CRB1: variants seen among roughly 807,000 people sequenced by gnomAD.
The protein encoded by CRB1 is crumbs cell polarity complex component 1, also known as protein crumbs homolog 1.
In CRB1, 83 loss-of-function variants were observed where a neutral mutation model predicts 120.0. The ratio of observed to expected loss-of-function variants is 0.69; its 90% CI spans 0.58 to 0.83. The LOEUF (loss-of-function observed/expected upper bound fraction) is 0.83. Ranked by LOEUF, CRB1 falls within the 40% of genes least tolerant of loss-of-function variation. CRB1 has a pLI of 0.00. For missense variants in CRB1, 1,699 were observed against 1,687.6 expected (o/e 1.01, Z -0.12); for synonymous variants, 625 against 612.5 (o/e 1.02, Z -0.30).
chr1:197,410,557 G>A (rs1200309410), intron 5 of CRB1, among the ~76,000 whole-genome samples: 3 of 152,142 alleles, frequency 2.0e-5, no homozygotes, highest in Admixed American at 6.5e-5. Context: ...ATGAACAATT[G>A]CCTCATTTAA....
At chr1:197,206,785 CTTTG>C in the CRB1 span, among the ~76,000 whole-genome samples, 1 of 151,920 alleles carries the variant, frequency 6.6e-6, no homozygotes, top group Admixed American at 6.5e-5. Flanking sequence ...TCCATTTTTT[CTTTG>C]TTTAATTTCT....
At chr1:197,406,892 G>A (rs1207616217) in intron 5 of CRB1, among the ~76,000 whole-genome samples, 5 of 152,044 alleles carry the variant, frequency 3.3e-5, no homozygotes, top group Non-Finnish European at 7.4e-5. Flanking sequence ...AAAGGTAGGT[G>A]GTGCAAAGGT....
chr1:197,370,585 T>G (rs540338877), intron 5 of CRB1, among the ~76,000 whole-genome samples: 1 of 152,234 alleles, frequency 6.6e-6, no homozygotes, highest in South Asian at 2.1e-4. Flanking sequence ...AACAATGAAA[T>G]CAAGAAGGAA....
At chr1:197,294,261 A>G (rs1183212967) in intron 1 of CRB1, among the ~76,000 whole-genome samples, 1 of 152,234 alleles carries the variant, frequency 6.6e-6, no homozygotes, top group African/African-American at 2.4e-5. Flanking sequence ...AAGGACATGA[A>G]CAGACAGTTC....
intron 5 of CRB1, among the ~76,000 whole-genome samples, chr1:197,420,440 A>G (rs1420192027): frequency 2.0e-5 from 3 of 152,202 alleles, no homozygotes; most frequent in African/African-American, 7.2e-5. Context: ...ATTGCAGGGA[A>G]GGAGGAAATG....
rs926913240 is a variant in CRB1, at chr1:197,478,263, A to G, written c.*384A>G. On this transcript the variant is annotated 3_prime_UTR_variant, in exon 12 of 12. Coordinates refer to ENST00000367400, the MANE Select transcript of CRB1 (RefSeq NM_201253.3). ...CTGTAGTTTCTGTGTAAACTGCCAT[A>G]TGTTTACATGGAAACTACAGGAAAA... 3.5e-6 allele frequency: 1 copy of G among 284,794 alleles called. No individual in the cohort carries two copies. Among genetic ancestry groups the G allele is most frequent in the African/African-American group, 2.2e-5 (1 of 45,036 alleles). The allele number at this position is 284,794 out of a possible 1,614,324, so 17.6% of individuals were successfully genotyped here.
chr1:197,348,020 G>A (rs1286230058), intron 4 of CRB1, among the ~76,000 whole-genome samples: 1 of 152,166 alleles, frequency 6.6e-6, no homozygotes, highest in Non-Finnish European at 1.5e-5. Context: ...TTACATTACA[G>A]GCCATAGGCA....
intron 5 of CRB1, among the ~76,000 whole-genome samples, chr1:197,393,965 A>T (rs1662640912): frequency 6.6e-6 from 1 of 152,154 alleles, no homozygotes; most frequent in Non-Finnish European, 1.5e-5. Context: ...ATATATAAAT[A>T]GTGTTTAGTC....
intron 5 of CRB1, among the ~76,000 whole-genome samples, chr1:197,420,379 A>G (rs1664240846): frequency 6.6e-6 from 1 of 152,220 alleles, no homozygotes. Flanking sequence ...AGTTAAAATA[A>G]TAAACAGGAA....
intron 5 of CRB1, among the ~76,000 whole-genome samples, chr1:197,361,711 C>T (rs1660778529): frequency 6.6e-6 from 1 of 151,728 alleles, no homozygotes; most frequent in Non-Finnish European, 1.5e-5. Flanking sequence ...CTATTTATAT[C>T]TTTTCTCCCC....
At chr1:197,251,527 G>A in the CRB1 span, among the ~76,000 whole-genome samples, 18 of 152,014 alleles carry the variant, frequency 1.2e-4, no homozygotes, top group Non-Finnish European at 2.9e-5. Context: ...CTCAGGACTG[G>A]CTGACATCAA....
intron 5 of CRB1, among the ~76,000 whole-genome samples, chr1:197,402,598 A>G (rs1352933369): frequency 6.6e-6 from 1 of 152,110 alleles, no homozygotes; most frequent in Non-Finnish European, 1.5e-5. Context: ...ATCCACTTCA[A>G]AGTATTTTGA....
At chr1:197,373,977 C>A (rs1661510281) in intron 5 of CRB1, among the ~76,000 whole-genome samples, 1 of 152,170 alleles carries the variant, frequency 6.6e-6, no homozygotes, top group African/African-American at 2.4e-5. Flanking sequence ...GGTCAGAGAT[C>A]TGACACAGCC....
intron 5 of CRB1, among the ~76,000 whole-genome samples, chr1:197,393,166 C>A (rs1221168183): frequency 1.3e-5 from 2 of 151,952 alleles, no homozygotes. Flanking sequence ...CATCTAAAAG[C>A]ACATGCAAAA....
the CRB1 span, among the ~76,000 whole-genome samples, chr1:197,255,789 T>G: frequency 1.3e-5 from 2 of 151,796 alleles, no homozygotes; most frequent in African/African-American, 4.8e-5. Context: ...TAATACTTCA[T>G]GAGTATCTAG....
intron 4 of CRB1, among the ~76,000 whole-genome samples, chr1:197,347,796 T>C (rs1017955650): frequency 3.3e-5 from 5 of 151,818 alleles, no homozygotes; most frequent in Non-Finnish European, 7.4e-5. Flanking sequence ...TTCCAAGATG[T>C]TCTCTTATAT....
intron 5 of CRB1, chr1:197,364,138 A>C: frequency 1.4e-6 from 1 of 697,946 alleles, no homozygotes; most frequent in African/African-American, 1.8e-5. Context: ...CCAGTATGAA[A>C]CCCTCATCCA....
At chr1:197,366,952 G>T (rs1254536843) in intron 5 of CRB1, among the ~76,000 whole-genome samples, 2 of 152,130 alleles carry the variant, frequency 1.3e-5, no homozygotes, top group African/African-American at 4.8e-5. Flanking sequence ...CTCATATCTT[G>T]TCATAACTAT....
intron 5 of CRB1, among the ~76,000 whole-genome samples, chr1:197,396,641 GAA>G (rs1250528554): frequency 2.0e-5 from 3 of 152,062 alleles, no homozygotes; most frequent in African/African-American, 7.2e-5. Context: ...ACACAATAAA[GAA>G]TGCAGAAATA....
Sources: gnomAD v4.1 joint callset for allele counts (sites outside exome capture counted in the v4.1 genomes callset) on GRCh38, gnomAD v4.1.1 for gene constraint, MANE v1.5 for transcripts, NCBI Gene and HGNC (gene_info 2026-07-23, HGNC 2026-07-21) for gene names.